PIAS2: variants seen among roughly 807,000 people sequenced by gnomAD.
PIAS2 encodes E3 SUMO-protein ligase PIAS2.
PIAS2 carries 19 observed loss-of-function variants against 69.7 expected under a neutral mutation model. The ratio of observed to expected loss-of-function variants is 0.27; its 90% CI spans 0.19 to 0.40. The LOEUF (loss-of-function observed/expected upper bound fraction) is 0.40, where lower values mean the gene tolerates loss of function less well. Among genes scored for constraint, PIAS2 ranks in the 10% least tolerant of loss-of-function variants. The probability of loss-of-function intolerance (pLI) is 1.00; values close to 1 mark genes in which losing one functional copy is unlikely to be tolerated. For missense variants in PIAS2, 624 were observed against 757.0 expected (o/e 0.82, Z 2.06); for synonymous variants, 261 against 263.2 (o/e 0.99, Z 0.08).
Position 46,917,370 on chromosome 18 carries a change from G to C in PIAS2, c.-25C>G, listed in dbSNP as rs752335076. On this transcript the variant is annotated 5_prime_UTR_variant, in exon 1 of 14. Coordinates refer to ENST00000585916, the MANE Select transcript of PIAS2 (RefSeq NM_004671.5). ...TTTTATACCACCCGCGGGCGCCGCC[G>C]CCGCTGCCGCCGCACCCACTCCCGC... The C allele has an allele frequency of 6.9e-7, 1 of 1,452,888 alleles. No individual in the cohort carries two copies. Among genetic ancestry groups the C allele is most frequent in the Non-Finnish European group, 9.1e-7 (1 of 1,096,390 alleles). The allele number at this position is 1,452,888 out of a possible 1,614,324, so 90.0% of individuals were successfully genotyped here.
chr18:46,913,389 TA>T (rs2057468542), intron 1 of PIAS2, among the ~76,000 whole-genome samples: 1 of 152,142 alleles, frequency 6.6e-6, no homozygotes, highest in Middle Eastern at 3.2e-3. Context: ...CCCAGTTTGG[TA>T]AATGTTCTGG....
intron 1 of PIAS2, 169 bp from the exon 2 acceptor site, chr18:46,891,223 G>T (rs557104908): frequency 1.9e-5 from 13 of 692,316 alleles, no homozygotes; most frequent in South Asian, 1.4e-4. Flanking sequence ...AGACAATCCC[G>T]TAAAAATTAC....
chr18:46,850,414 T>C (rs1210665420), intron 5 of PIAS2, among the ~76,000 whole-genome samples: 1 of 152,178 alleles, frequency 6.6e-6, no homozygotes, highest in Non-Finnish European at 1.5e-5. Context: ...GTTGTTCTAC[T>C]GGAGAAACCA....
chr18:46,868,781 G>C (rs2145674085), intron 2 of PIAS2, among the ~76,000 whole-genome samples: 1 of 152,232 alleles, frequency 6.6e-6, no homozygotes. Flanking sequence ...AACAACTTGG[G>C]GGCTCATCCG....
intron 5 of PIAS2, chr18:46,852,754 GT>G (rs2047156636): frequency 6.6e-6 from 1 of 152,192 alleles, no homozygotes; most frequent in Admixed American, 6.5e-5. Flanking sequence ...GGAAATTCTG[GT>G]AACGTCTATG....
rs1467993259 is a variant in PIAS2 at position 46,832,212 on chromosome 18, C to T, written c.1203-2345G>A. Among the ~76,000 whole-genome samples, 4 of 151,234 alleles carry T rather than the reference C, an allele frequency of 2.6e-5. No individual in the cohort carries two copies. In the East Asian group the frequency reaches 5.9e-4, roughly 22 times the overall value. On this transcript the variant is annotated intron_variant, in intron 9 of 13. Transcript: ENST00000585916. ...CGGGTGGATCACGAGGTCGGGAGTTCGAGACCAGCCTGACCAACATGGTGA... is the reference window on the plus strand; with the variant it reads ...CGGGTGGATCACGAGGTCGGGAGTTTGAGACCAGCCTGACCAACATGGTGA...
chr18:46,827,793 T>G, intron 11 of PIAS2, 166 bp downstream of exon 11: 1 of 518,072 alleles, frequency 1.9e-6, no homozygotes, highest in Non-Finnish European at 3.4e-6. Flanking sequence ...CATCAAAATT[T>G]GCTTCCTATA....
At position 46,828,064 on chromosome 18, in the gene PIAS2, T is replaced by C. The variant is rs760150094; in HGVS notation, c.1403A>G (p.Asp468Gly). Residue 468 changes from aspartate (D) to glycine (G), a missense_variant, in exon 11 of 14, where the codon GAT (aspartate) becomes GGT (glycine). Around this residue, in one of 3 missense-constraint regions of PIAS2, gnomAD observed 241 missense variants for 257.3 expected, o/e 0.94. Coordinates refer to ENST00000585916, the MANE Select transcript of PIAS2 (RefSeq NM_004671.5). ...GCTTTCTATTGTAAGATCAATAACA[T>C]CTACTTTCTTCTTGCTTGCCTCACT... ...VASEASKKKVDVIDLTIESSS... is the reference protein window; with the variant it reads ...VASEASKKKVGVIDLTIESSS... 2 of 1,613,848 alleles carry C rather than the reference T, an allele frequency of 1.2e-6. No individual in the cohort carries two copies. The highest frequency in any genetic ancestry group is 1.7e-5 in the Admixed American group (1 of 59,998).
chr18:46,916,792 G>A, intron 1 of PIAS2: 1 of 984,188 alleles, frequency 1.0e-6, no homozygotes, highest in Non-Finnish European at 1.2e-6. Context: ...ATGTTAGGAG[G>A]CAAGGGTGGG....
intron 2 of PIAS2, among the ~76,000 whole-genome samples, chr18:46,881,714 T>C (rs1401290317): frequency 6.6e-6 from 1 of 152,220 alleles, no homozygotes. Flanking sequence ...ACCTATCTAC[T>C]TGCTACTTAT....
chr18:46,846,012 A>C (rs949724411), intron 6 of PIAS2, among the ~76,000 whole-genome samples: 1 of 152,196 alleles, frequency 6.6e-6, no homozygotes, highest in African/African-American at 2.4e-5. Flanking sequence ...AGAACACTGA[A>C]ACTGATGCTT....
At position 46,846,738 on chromosome 18, in the gene PIAS2, A is replaced by G. The variant is rs764173718; in HGVS notation, c.830T>C (p.Ile277Thr). ...VRLSSAVPNQ[I>T]SISWASEIGK... ...AATTTCTGATGCCCAAGAAATGGAA[A>G]TTTGGTTTGGCACAGCTGAAGATAA... Residue 277 changes from isoleucine (I) to threonine (T), a missense_variant, in exon 6 of 14, where the codon ATT becomes ACT. By Grantham distance (89) the Ile-to-Thr change is moderately conservative (BLOSUM62 -1). This residue lies in a region of PIAS2 where 339 missense variants were observed against 408.8 expected (regional missense o/e 0.83). Coordinates refer to ENST00000585916, the MANE Select transcript of PIAS2 (RefSeq NM_004671.5). The G allele has an allele frequency of 6.2e-7, 1 of 1,612,012 alleles. No homozygotes were observed. Among genetic ancestry groups the G allele is most frequent in the Admixed American group, 1.7e-5 (1 of 59,746 alleles).
At chr18:46,875,696 C>G (rs1186906987) in intron 2 of PIAS2, among the ~76,000 whole-genome samples, 4 of 152,172 alleles carry the variant, frequency 2.6e-5, no homozygotes, top group Non-Finnish European at 4.4e-5. Context: ...GACTATAGCT[C>G]TAGAGACAGG....
intron 9 of PIAS2, among the ~76,000 whole-genome samples, chr18:46,833,747 A>G (rs1460456900): frequency 6.6e-6 from 1 of 152,212 alleles, no homozygotes; most frequent in East Asian, 1.9e-4. Flanking sequence ...ATAGTTTCGT[A>G]TTGGCCCAGT....
chr18:46,833,501 A>T (rs911841523), intron 9 of PIAS2, among the ~76,000 whole-genome samples: 2 of 152,232 alleles, frequency 1.3e-5, no homozygotes, highest in African/African-American at 4.8e-5. Flanking sequence ...ATCAAATTGT[A>T]CATTTTACAT....
At chr18:46,834,809 G>A (rs1489323093) in intron 9 of PIAS2, among the ~76,000 whole-genome samples, 2 of 152,176 alleles carry the variant, frequency 1.3e-5, no homozygotes, top group Non-Finnish European at 2.9e-5. Flanking sequence ...GTTTTAATAC[G>A]TAAGGCTGCT....
At chr18:46,894,263 A>C (rs895683348) in intron 1 of PIAS2, among the ~76,000 whole-genome samples, 1 of 152,130 alleles carries the variant, frequency 6.6e-6, no homozygotes, top group African/African-American at 2.4e-5. Context: ...TAGGAGTAAT[A>C]CCTATTTTTT....
At chr18:46,895,635 C>T (rs920483920) in intron 1 of PIAS2, among the ~76,000 whole-genome samples, 17 of 152,196 alleles carry the variant, frequency 1.1e-4, no homozygotes, top group Middle Eastern at 3.2e-3. Flanking sequence ...CACACTACTG[C>T]ACTCCAGCCT....
upstream of PIAS2, among the ~76,000 whole-genome samples, chr18:46,919,279 G>C (rs1359826130): frequency 6.6e-6 from 1 of 151,962 alleles, no homozygotes; most frequent in Non-Finnish European, 1.5e-5. Flanking sequence ...CTGAGGTTGG[G>C]AGTTGGAGGC....
Sources: allele counts gnomAD v4.1 joint callset (sites outside exome capture counted in the v4.1 genomes callset), GRCh38; gene constraint gnomAD v4.1.1; regional missense constraint gnomAD v4.1.1; transcripts MANE v1.5; gene names NCBI Gene and HGNC (gene_info 2026-07-23, HGNC 2026-07-21).